Variants in EFCAB8 observed in about 807,000 individuals in gnomAD.
EFCAB8 encodes EF-hand calcium binding domain 8, also known as EF-hand calcium-binding domain-containing protein 8.
A neutral mutation model predicts 116.3 loss-of-function variants in EFCAB8; 100 were observed. The observed-to-expected ratio is 0.86, with a 90% confidence interval of 0.73 to 1.02. EFCAB8 has a LOEUF of 1.02. Among genes scored for constraint, EFCAB8 ranks in the 50% least tolerant of loss-of-function variants. The probability of loss-of-function intolerance (pLI) is 0.00; values close to 1 mark genes in which losing one functional copy is unlikely to be tolerated. For synonymous variants in EFCAB8, 558 were observed against 567.9 expected (o/e 0.98, Z 0.25); for missense variants, 1,320 against 1,416.9 (o/e 0.93, Z 1.10).
At chr20:32,929,323 G>C (rs983826283) in intron 20 of EFCAB8, among the ~76,000 whole-genome samples, 4 of 152,080 alleles carry the variant, frequency 2.6e-5, no homozygotes, top group African/African-American at 9.7e-5. Flanking sequence ...TTGGGCACAA[G>C]GGACTTCTGG....
At position 32,898,538 on chromosome 20, in the gene EFCAB8, A is replaced by G. The variant is rs1986273492; in HGVS notation, c.1003A>G (p.Met335Val). The change falls in exon 11 of 27, where the codon ATG becomes GTG. Residue 335 changes from methionine to valine, a missense_variant. By Grantham distance (21) the Met-to-Val change is conservative. Transcript: ENST00000400522. ...TGAGCAGGTCAAGTTCATCCCCCAG[A>G]TGAATGTGGTAGTCTCCTGTTCAGC... ...WCEQVKFIPQ[M>V]NVVVSCSAIE... The G allele has an allele frequency of 2.8e-6, 2 of 718,460 alleles. No individual in the cohort carries two copies. The highest frequency in any genetic ancestry group is 2.0e-5 in the Admixed American group (1 of 49,998). 44.5% of individuals were successfully genotyped at this position (718,460 alleles called of 1,614,324 possible).
intron 20 of EFCAB8, among the ~76,000 whole-genome samples, chr20:32,921,642 A>G (rs1203855024): frequency 1.3e-5 from 2 of 151,702 alleles, no homozygotes; most frequent in Non-Finnish European, 2.9e-5. Flanking sequence ...CACTCACCCT[A>G]TCCCATCCCA....
At chr20:32,862,602 C>A (rs1984168860) in intron 1 of EFCAB8, among the ~76,000 whole-genome samples, 1 of 152,076 alleles carries the variant, frequency 6.6e-6, no homozygotes, top group Admixed American at 6.6e-5. Context: ...GTTCAGTCTT[C>A]TCCCTCCAGC....
rs370955049 is a variant in EFCAB8, at chr20:32,909,175, G to A, written c.1447-646G>A. Among the ~76,000 whole-genome samples, 9 of 152,344 alleles carry A rather than the reference G, an allele frequency of 5.9e-5. No homozygotes were observed. In the East Asian group the frequency reaches 1.4e-3, roughly 23 times the overall value. On this transcript the variant is annotated intron_variant, in intron 14 of 26. Transcript: ENST00000400522. ...TCGGTGACATGTGTGTCATCCTTAC[G>A]CACTTGGCTGGCCCTCCCCTAGACA...
At chr20:32,882,134 G>A (rs1985371069) in intron 5 of EFCAB8, among the ~76,000 whole-genome samples, 1 of 152,048 alleles carries the variant, frequency 6.6e-6, no homozygotes. Context: ...GGAGGCAGAG[G>A]TTGCAGTGAG....
At chr20:32,949,349 T>A (rs771224419) in intron 23 of EFCAB8, among the ~76,000 whole-genome samples, 3 of 152,202 alleles carry the variant, frequency 2.0e-5, no homozygotes, top group Non-Finnish European at 4.4e-5. Flanking sequence ...ATCTCCAAAT[T>A]GATTTATAGG....
intron 11 of EFCAB8, 33 bp from the exon 12 acceptor site, chr20:32,906,529 G>A (rs760246398): frequency 1.3e-5 from 9 of 718,210 alleles, no homozygotes; most frequent in African/African-American, 3.5e-5. Context: ...CACTGCTCCC[G>A]GCCCTGCAGC....
At chr20:32,883,800 C>T (rs1477339553) in intron 5 of EFCAB8, among the ~76,000 whole-genome samples, 1 of 152,116 alleles carries the variant, frequency 6.6e-6, no homozygotes, top group Non-Finnish European at 1.5e-5. Flanking sequence ...AAGCGATTCT[C>T]CTGCCTCAGC....
At chr20:32,948,516 G>A (rs983521321) in intron 23 of EFCAB8, among the ~76,000 whole-genome samples, 2 of 92,054 alleles carry the variant, frequency 2.2e-5, no homozygotes, top group African/African-American at 8.6e-5. Context: ...GTTATAAGAA[G>A]AAAGTGAAAA....
At chr20:32,938,990 TTCCTTCCTTCCC>T (rs1299037122) in intron 22 of EFCAB8, among the ~76,000 whole-genome samples, 1 of 132,850 alleles carries the variant, frequency 7.5e-6, no homozygotes, top group Admixed American at 7.2e-5. Flanking sequence ...CTTCCCTTCC[TTCCTTCCTTCCC>T]TCCTTCCCTC....
rs117810035 is a variant in EFCAB8 at position 32,951,313 on chromosome 20, T to C, written c.2960-7108T>C. ...CATCAATAGTTGAGTTGATAAACTA[T>C]GGTTTATGGAATATCACTCAGCAAT... is the stretch of plus-strand genomic sequence containing the variant. On this transcript the variant is annotated intron_variant, in intron 23 of 26. Coordinates refer to ENST00000400522, the MANE Select transcript of EFCAB8 (RefSeq NM_001143967.2). Among the ~76,000 whole-genome samples the C allele has an allele frequency of 9.3e-3, 1,414 of 152,356 alleles. 11 individuals carry two copies. The highest frequency in any genetic ancestry group is 0.017 in the Non-Finnish European group (1,130 of 68,032).
chr20:32,865,518 C>T (rs1984344299), intron 2 of EFCAB8, among the ~76,000 whole-genome samples: 1 of 151,946 alleles, frequency 6.6e-6, no homozygotes, highest in Non-Finnish European at 1.5e-5. Flanking sequence ...TGCCTAGAAG[C>T]CAGGCGCAGT....
At chr20:32,946,327 C>T (rs146858841) in intron 23 of EFCAB8, among the ~76,000 whole-genome samples, 6 of 152,376 alleles carry the variant, frequency 3.9e-5, no homozygotes, top group African/African-American at 9.6e-5. Context: ...CAATCTGCTT[C>T]ACTGAGCCAG....
intron 20 of EFCAB8, among the ~76,000 whole-genome samples, 200 bp from the exon 21 acceptor site, chr20:32,930,198 C>A (rs1463083860): frequency 6.6e-6 from 1 of 152,182 alleles, no homozygotes; most frequent in Non-Finnish European, 1.5e-5. Flanking sequence ...ACGCAAAATC[C>A]CTGCCCTCTA....
chr20:32,918,295 T>TG, intron 18 of EFCAB8, 67 bp from the exon 19 acceptor site: 1 of 1,485,618 alleles, frequency 6.7e-7, no homozygotes, highest in Non-Finnish European at 9.2e-7. Context: ...GGCATTGATC[T>TG]GGGGCAGTCC....
At chr20:32,882,941 C>T (rs759887879) in intron 5 of EFCAB8, among the ~76,000 whole-genome samples, 5 of 151,910 alleles carry the variant, frequency 3.3e-5, no homozygotes, top group Non-Finnish European at 5.9e-5. Context: ...ATGATCTGCC[C>T]GCCTCGGCCT....
At chr20:32,888,060 C>G (rs921362903) in intron 6 of EFCAB8, among the ~76,000 whole-genome samples, 2 of 149,290 alleles carry the variant, frequency 1.3e-5, no homozygotes, top group African/African-American at 4.9e-5. Context: ...TACATATCCC[C>G]CTTTTCTTTC....
At chr20:32,875,595 C>A (rs1984929908) in intron 3 of EFCAB8, among the ~76,000 whole-genome samples, 1 of 150,354 alleles carries the variant, frequency 6.7e-6, no homozygotes, top group Non-Finnish European at 1.5e-5. Context: ...ACCTCTGCCT[C>A]CTGAGTTCAA....
chr20:32,886,460 C>A (rs947329652), intron 6 of EFCAB8, among the ~76,000 whole-genome samples: 1 of 152,128 alleles, frequency 6.6e-6, no homozygotes, highest in African/African-American at 2.4e-5. Context: ...GAGAACACAG[C>A]CCCCAGATGA....
Sources: gnomAD v4.1 joint callset for allele counts (sites outside exome capture counted in the v4.1 genomes callset) on GRCh38, gnomAD v4.1.1 for gene constraint, MANE v1.5 for transcripts, NCBI Gene and HGNC (gene_info 2026-07-23, HGNC 2026-07-21) for gene names.